The following GRIK5 variants were observed in gnomAD, a reference collection of about 807,000 sequenced individuals.
The protein encoded by GRIK5 is glutamate receptor ionotropic, kainate 5.
GRIK5 carries 43 observed loss-of-function variants against 97.4 expected under a neutral mutation model. That is an observed-to-expected ratio of 0.44 (90% CI 0.35 to 0.57). The LOEUF is 0.57. Ranked by LOEUF, GRIK5 falls within the 20% of genes least tolerant of loss-of-function variation. The probability of loss-of-function intolerance (pLI) is 0.01; values close to 1 mark genes in which losing one functional copy is unlikely to be tolerated. For synonymous variants in GRIK5, 580 were observed against 583.5 expected (o/e 0.99, Z 0.09); for missense variants, 1,015 against 1,382.0 (o/e 0.73, Z 4.21).
At position 42,070,187 on chromosome 19, in the gene GRIK5, G is replaced by A. The variant is rs1371871172; in HGVS notation, c.-997C>T. 2.0e-5 allele frequency among the ~76,000 whole-genome samples: 3 copies of A among 152,114 alleles called. No homozygotes were observed. Among genetic ancestry groups the A allele is most frequent in the East Asian group, 1.9e-4 (1 of 5,178 alleles). On this transcript the variant is annotated 5_prime_UTR_variant, in exon 1 of 20. Coordinates refer to ENST00000593562, the MANE Select transcript of GRIK5 (RefSeq NM_002088.5). The stretch of plus-strand genomic sequence containing the variant: ...GCCTGCCTGCCCGCCTGCCGCCTGC[G>A]CTGGGTCCTGGAGCGCAGTGGGGTG...
intron 15 of GRIK5, among the ~76,000 whole-genome samples, chr19:42,010,066 CAAA>C (rs60561027): frequency 1.7e-4 from 18 of 104,076 alleles, no homozygotes; most frequent in Non-Finnish European, 2.2e-4. Flanking sequence ...AACTCCATCT[CAAA>C]AAAAAAAAAA....
chr19:41,999,421 G>T lies in GRIK5; in HGVS notation c.2515-122C>A. ...CCGGGTCTTTCTTCCTTCTGCCCTC[G>T]CTTCCCTTCCCACTTCTCTTCCCTT... On this transcript the variant is annotated intron_variant, in intron 19 of 19. Transcript: ENST00000593562. The surrounding 1 kb of genome is among the most constrained non-coding windows in gnomAD (Gnocchi z 5.0). The T allele has an allele frequency of 1.4e-6, 1 of 719,550 alleles. No homozygotes were observed. The highest frequency in any genetic ancestry group is 2.1e-6 in the Non-Finnish European group (1 of 466,624). The allele number at this position is 719,550 out of a possible 1,614,324, so 44.6% of individuals were successfully genotyped here.
Position 42,059,504 on chromosome 19 carries a change from C to A in GRIK5, c.532G>T (p.Val178Leu), listed in dbSNP as rs950543433. The change falls in exon 6 of 20, where the codon GTG becomes TTG. Residue 178 changes from valine to leucine, a missense_variant. Transcript: ENST00000593562. Reference sequence around the variant, plus strand: ...TCCTTGGAGATGAGGAAGCCACGCACCAGTTCCTCCAATCGCAGCAGGCCT... The same window carrying A: ...TCCTTGGAGATGAGGAAGCCACGCAACAGTTCCTCCAATCGCAGCAGGCCT... ...AECLLRLEEL[V>L]RGFLISKETL... is the part of the protein sequence containing the mutation. 3 of 1,613,232 alleles carry A rather than the reference C, an allele frequency of 1.9e-6. No homozygotes were observed. In the African/African-American group the frequency reaches 4.0e-5, roughly 22 times the overall value.
chr19:42,025,026 A>G (rs2075752351), intron 12 of GRIK5, among the ~76,000 whole-genome samples: 1 of 152,226 alleles, frequency 6.6e-6, no homozygotes, highest in Non-Finnish European at 1.5e-5. Flanking sequence ...AGCTTAGAGC[A>G]GGATCTGCTG....
chr19:42,033,582 G>A (rs760216818), intron 12 of GRIK5, among the ~76,000 whole-genome samples: 10 of 152,078 alleles, frequency 6.6e-5, no homozygotes, highest in East Asian at 1.9e-4. Flanking sequence ...TTATGAAAAC[G>A]TTTTGGAGCT....
intron 12 of GRIK5, among the ~76,000 whole-genome samples, chr19:42,027,689 G>C (rs1296846690): frequency 1.3e-5 from 2 of 152,212 alleles, no homozygotes; most frequent in African/African-American, 4.8e-5. Context: ...GTGGTGGAGA[G>C]AGACAGTGAG....
intron 1 of GRIK5, among the ~76,000 whole-genome samples, chr19:42,067,200 G>T (rs1410073614): frequency 6.6e-6 from 1 of 152,216 alleles, no homozygotes; most frequent in Non-Finnish European, 1.5e-5. Context: ...ACCCCACTCA[G>T]TCCCCATGGA....
intron 12 of GRIK5, among the ~76,000 whole-genome samples, chr19:42,041,414 G>C (rs989207271): frequency 2.0e-5 from 3 of 152,200 alleles, no homozygotes; most frequent in African/African-American, 4.8e-5. Context: ...ATAAAAAGAG[G>C]AACTACATTT....
intron 19 of GRIK5, among the ~76,000 whole-genome samples, chr19:42,001,066 T>G (rs1229433357): frequency 6.6e-6 from 1 of 151,594 alleles, no homozygotes; most frequent in African/African-American, 2.4e-5. Flanking sequence ...TACCTAACTC[T>G]CACATACCAA....
chr19:42,028,499 C>CCTCCTGGCAGCATCGTTTCTT (rs2075799235), intron 12 of GRIK5, among the ~76,000 whole-genome samples: 3 of 152,362 alleles, frequency 2.0e-5, no homozygotes, highest in South Asian at 4.1e-4. Context: ...ACCTTCTGCC[C>CCTCCTGGCAGCATCGTTTCTT]CTCCTGGCAG....
chr19:42,031,417 G>A (rs867728504), intron 12 of GRIK5, among the ~76,000 whole-genome samples: 5 of 152,150 alleles, frequency 3.3e-5, no homozygotes, highest in African/African-American at 4.8e-5. Context: ...GGGTCAGTGC[G>A]CCAACGTGGG....
chr19:42,047,193 C>A (rs572436105), intron 11 of GRIK5, among the ~76,000 whole-genome samples: 70 of 151,942 alleles, frequency 4.6e-4, no homozygotes, highest in African/African-American at 1.6e-3. Flanking sequence ...CAGCCCCCTT[C>A]CCCAGTGTAA....
intron 19 of GRIK5, among the ~76,000 whole-genome samples, chr19:42,001,499 G>A (rs2075423076): frequency 2.6e-5 from 4 of 152,202 alleles, no homozygotes; most frequent in Admixed American, 2.6e-4. Context: ...AAAGTGCTTG[G>A]ATTACAGGCG....
At chr19:42,007,808 T>C (rs781817513) in intron 15 of GRIK5, among the ~76,000 whole-genome samples, 1 of 152,270 alleles carries the variant, frequency 6.6e-6, no homozygotes, top group African/African-American at 2.4e-5. Context: ...AAAGATTTCA[T>C]TGAATACATG....
intron 15 of GRIK5, among the ~76,000 whole-genome samples, chr19:42,010,937 C>T (rs2075553786): frequency 6.6e-6 from 1 of 152,118 alleles, no homozygotes; most frequent in Non-Finnish European, 1.5e-5. Context: ...TCCCACGGAG[C>T]TGGGACCACA....
chr19:42,066,840 C>T (rs1328993004), intron 1 of GRIK5, among the ~76,000 whole-genome samples: 1 of 151,944 alleles, frequency 6.6e-6, no homozygotes, highest in Admixed American at 6.6e-5. Context: ...TAGGAACCGA[C>T]TCGGATACAA....
chr19:42,021,435 C>A lies in GRIK5; in HGVS notation c.1737G>T (p.Leu579=). Residue 579 remains leucine (L), a synonymous_variant, in exon 15 of 20, where the codon CTG becomes CTT. Coordinates refer to ENST00000593562, the MANE Select transcript of GRIK5 (RefSeq NM_002088.5). This position sits in a 1 kb window ranked among gnomAD's most constrained non-coding sequence, Gnocchi z 4.2. ...TCTCCAGGATGTGGGGGCGTGCCCG[C>A]AGGCATGGGTGTGGGTTATACCACT... is the stretch of plus-strand genomic sequence containing the variant. ...PYEWYNPHPC[L]RARPHILENQ... The A allele has an allele frequency of 6.2e-7, 1 of 1,605,154 alleles. No homozygotes were observed. The highest frequency in any genetic ancestry group is 8.5e-7 in the Non-Finnish European group (1 of 1,174,860).
intron 1 of GRIK5, chr19:42,068,499 G>C: frequency 2.6e-6 from 1 of 377,688 alleles, no homozygotes; most frequent in East Asian, 3.8e-5. Context: ...AGGGACTGAG[G>C]AGCCGGGCAC....
intron 19 of GRIK5, among the ~76,000 whole-genome samples, chr19:42,000,017 G>A (rs1319145326): frequency 3.3e-5 from 5 of 152,228 alleles, no homozygotes; most frequent in Non-Finnish European, 5.9e-5. Flanking sequence ...TGCCCAGGTG[G>A]GAGTGACTTG....
Sources: gnomAD v4.1 joint callset for allele counts (sites outside exome capture counted in the v4.1 genomes callset) on GRCh38, gnomAD v4.1.1 for gene constraint, Gnocchi (gnomAD v3.1) non-coding constraint, MANE v1.5 for transcripts, NCBI Gene and HGNC (gene_info 2026-07-23, HGNC 2026-07-21) for gene names.